SRBD1: variants seen among roughly 807,000 people sequenced by gnomAD.
SRBD1 encodes S1 RNA-binding domain-containing protein 1.
SRBD1 carries 88 observed loss-of-function variants against 115.3 expected under a neutral mutation model. The observed-to-expected ratio is 0.76, with a 90% CI of 0.64 to 0.91. The LOEUF is 0.91. Among genes scored for constraint, SRBD1 ranks in the 40% least tolerant of loss-of-function variants. The probability of loss-of-function intolerance (pLI) is 0.00; values close to 1 mark genes in which losing one functional copy is unlikely to be tolerated. For synonymous variants in SRBD1, 509 were observed against 407.7 expected, an observed-to-expected ratio of 1.25 and a Z score of -2.99; for missense variants, 1,385 against 1,177.4, an observed-to-expected ratio of 1.18 and a Z score of -2.58.
chr2:45,496,641 G>A (rs188420176), intron 14 of SRBD1, among the ~76,000 whole-genome samples: 4 of 152,128 alleles, frequency 2.6e-5, no homozygotes, highest in East Asian at 3.9e-4. Flanking sequence ...CAATCTCAGC[G>A]AACTCCACTA....
chr2:45,418,608 T>G (rs1446904747), intron 17 of SRBD1, 67 bp from the exon 18 acceptor site: 7 of 1,445,504 alleles, frequency 4.8e-6, no homozygotes, highest in Non-Finnish European at 6.5e-6. Flanking sequence ...ATAAAACATT[T>G]GGATCATAAA....
intron 15 of SRBD1, among the ~76,000 whole-genome samples, chr2:45,486,173 C>A (rs540794235): frequency 6.6e-6 from 1 of 152,256 alleles, no homozygotes; most frequent in East Asian, 1.9e-4. Flanking sequence ...ATTATTTACA[C>A]ACATGGGCCA....
chr2:45,395,769 A>G (rs926930585), intron 19 of SRBD1, among the ~76,000 whole-genome samples: 1 of 152,208 alleles, frequency 6.6e-6, no homozygotes, highest in African/African-American at 2.4e-5. Flanking sequence ...TGAATTTTAA[A>G]TATAGTCAAC....
rs539859201 is a variant in SRBD1 at position 45,489,884 on chromosome 2, C to A, written c.1875-1553G>T. On this transcript the variant is annotated intron_variant, in intron 14 of 20. Transcript: ENST00000263736. ...ATATTTTTGTGCCAAACAACCAACG[C>A]AACATATTTTTCTAAGGAAGAGCTA... 2.6e-5 allele frequency among the ~76,000 whole-genome samples: 4 copies of A among 152,220 alleles called. No individual in the cohort carries two copies. The South Asian group carries it at 8.3e-4, about 32-fold the overall frequency.
Position 45,392,941 on chromosome 2 carries a change from T to C in SRBD1, c.2698+4A>G. On this transcript the variant is annotated splice_donor_region_variant and intron_variant, in intron 20 of 20. Coordinates refer to ENST00000263736, the MANE Select transcript of SRBD1 (RefSeq NM_018079.5). ...GGTGCTATAATTCAAGTTCAACTGT[T>C]TACCTGTTCGAAAGTCAAAGCTTTC... 6.3e-7 allele frequency: 1 copy of C among 1,599,750 alleles called. No individual in the cohort carries two copies. Among genetic ancestry groups the C allele is most frequent in the Non-Finnish European group, 8.5e-7 (1 of 1,171,964 alleles).
At chr2:45,488,213 T>C in intron 15 of SRBD1, 27 bp downstream of exon 15, 7 of 1,584,222 alleles carry the variant, frequency 4.4e-6, no homozygotes, top group Non-Finnish European at 5.2e-6. Context: ...AAATCACATG[T>C]TTTTGTGATG....
At chr2:45,579,678 A>G (rs1673284576) in intron 7 of SRBD1, among the ~76,000 whole-genome samples, 197 bp downstream of exon 7, 1 of 152,144 alleles carries the variant, frequency 6.6e-6, no homozygotes, top group African/African-American at 2.4e-5. Flanking sequence ...GCAAAAGACT[A>G]GAACAGGCAC....
At chr2:45,535,928 C>T (rs1389417436) in intron 14 of SRBD1, among the ~76,000 whole-genome samples, 1 of 151,976 alleles carries the variant, frequency 6.6e-6, no homozygotes, top group Non-Finnish European at 1.5e-5. Context: ...TTTTGGTCTT[C>T]CAGAACTATT....
intron 10 of SRBD1, among the ~76,000 whole-genome samples, chr2:45,559,595 G>A (rs1672596026): frequency 6.6e-6 from 1 of 152,014 alleles, no homozygotes; most frequent in African/African-American, 2.4e-5. Context: ...TAACTTGAAT[G>A]GATAAGTACA....
rs184407372 is a variant in SRBD1 at position 45,609,004 on chromosome 2, G to A, written c.-1+2215C>T. 1.7e-4 allele frequency among the ~76,000 whole-genome samples: 26 copies of A among 151,976 alleles called. No homozygotes were observed. The East Asian group carries it at 4.3e-3, about 25-fold the overall frequency. ...TCTATTTTTGATAGAGACGGGGTTCGTCACGTTGGCCAGGCTGGTCTCGAA... is the reference window on the plus strand; with the variant it reads ...TCTATTTTTGATAGAGACGGGGTTCATCACGTTGGCCAGGCTGGTCTCGAA... On this transcript the variant is annotated intron_variant, in intron 1 of 20. Coordinates refer to ENST00000263736, the MANE Select transcript of SRBD1 (RefSeq NM_018079.5).
chr2:45,513,879 A>G (rs1275168767), intron 14 of SRBD1, among the ~76,000 whole-genome samples: 1 of 152,138 alleles, frequency 6.6e-6, no homozygotes, highest in Non-Finnish European at 1.5e-5. Context: ...TATTCTCTCA[A>G]TTCAAACTTT....
At chr2:45,598,623 C>T (rs564131320) in intron 4 of SRBD1, among the ~76,000 whole-genome samples, 60 of 151,514 alleles carry the variant, frequency 4.0e-4, no homozygotes, top group African/African-American at 1.4e-3. Flanking sequence ...AAAAAAATTA[C>T]GTTTTACTAA....
intron 4 of SRBD1, among the ~76,000 whole-genome samples, chr2:45,592,279 C>G (rs1335783285): frequency 6.6e-6 from 1 of 152,068 alleles, no homozygotes; most frequent in East Asian, 1.9e-4. Context: ...TAGGGACACA[C>G]CACCAAAGAA....
At chr2:45,484,596 C>A (rs953626161) in intron 15 of SRBD1, among the ~76,000 whole-genome samples, 16 of 152,086 alleles carry the variant, frequency 1.1e-4, no homozygotes, top group Non-Finnish European at 1.5e-5. Flanking sequence ...AGGTGAAATT[C>A]CCATAACATA....
intron 18 of SRBD1, 130 bp downstream of exon 18, chr2:45,418,235 C>G: frequency 9.4e-7 from 1 of 1,060,452 alleles, no homozygotes; most frequent in South Asian, 2.1e-5. Flanking sequence ...AGGACAGTCA[C>G]TCAACACTTA....
intron 14 of SRBD1, among the ~76,000 whole-genome samples, chr2:45,496,411 C>T (rs1490540987): frequency 1.3e-5 from 2 of 150,432 alleles, no homozygotes; most frequent in African/African-American, 4.9e-5. Flanking sequence ...AGAATGACAA[C>T]AAAAAAGAAA....
At chr2:45,610,927 CAAA>C (rs10535905) in intron 1 of SRBD1, among the ~76,000 whole-genome samples, 7 of 134,408 alleles carry the variant, frequency 5.2e-5, no homozygotes, top group East Asian at 2.2e-4. Flanking sequence ...GACTCCGTCT[CAAA>C]AAAAAAAAAA....
At position 45,477,093 on chromosome 2, in the gene SRBD1, G is replaced by T; in HGVS notation, c.1967-18C>A. ...TATGGAAACTGAAAAAACAGAATCA[G>T]AAAACAAGTATGACTTAATGTGAAA... On this transcript the variant is annotated intron_variant, in intron 15 of 20. Transcript: ENST00000263736. The T allele has an allele frequency of 6.2e-7, 1 of 1,604,600 alleles. No individual in the cohort carries two copies. Among genetic ancestry groups the T allele is most frequent in the East Asian group, 2.2e-5 (1 of 44,740 alleles).
intron 4 of SRBD1, among the ~76,000 whole-genome samples, chr2:45,588,237 A>T (rs1427298328): frequency 6.6e-6 from 1 of 151,954 alleles, no homozygotes; most frequent in Non-Finnish European, 1.5e-5. Context: ...TGGAATCCAA[A>T]CTCCTTACCA....
Sources: allele counts gnomAD v4.1 joint callset (sites outside exome capture counted in the v4.1 genomes callset), GRCh38; gene constraint gnomAD v4.1.1; transcripts MANE v1.5; gene names NCBI Gene and HGNC (gene_info 2026-07-23, HGNC 2026-07-21).